SAMMSON: variants seen among roughly 807,000 people sequenced by gnomAD.
SAMMSON encodes long intergenic non-protein coding RNA 1212.
intron 7 of SAMMSON, among the ~76,000 whole-genome samples, chr3:70,336,461 C>T (rs764100437): frequency 5.9e-5 from 9 of 152,008 alleles, no homozygotes; most frequent in Non-Finnish European, 8.8e-5. Context: ...TTCCGTGTAA[C>T]ACAGAGTTCC....
At chr3:70,253,370 G>A (rs979267615) in intron 6 of SAMMSON, among the ~76,000 whole-genome samples, 5 of 152,150 alleles carry the variant, frequency 3.3e-5, no homozygotes, top group African/African-American at 9.7e-5. Context: ...TGTGCAAGGG[G>A]CTGAGTGGAT....
rs373340134 is a variant in SAMMSON at position 70,355,242 on chromosome 3, G to A, written n.842+965G>A. Among the ~76,000 whole-genome samples, 3 of 152,156 alleles carry A rather than the reference G, an allele frequency of 2.0e-5. No homozygotes were observed. The East Asian group carries it at 5.8e-4, about 29-fold the overall frequency. ...GCAACCAATCAGCAAACTCTACTAA[G>A]TTTCCAATCAATTTTCTCATCACAC... On this transcript the variant is annotated intron_variant and non_coding_transcript_variant, in intron 8 of 9. Transcript: ENST00000642114.
intron 4 of SAMMSON, among the ~76,000 whole-genome samples, chr3:70,176,178 T>C (rs1165127266): frequency 1.3e-5 from 2 of 152,130 alleles, no homozygotes; most frequent in African/African-American, 4.8e-5. Context: ...TTGGTGGCAT[T>C]GAGGACCAGG....
chr3:70,356,417 A>G (rs539819439), intron 8 of SAMMSON, among the ~76,000 whole-genome samples: 3 of 152,242 alleles, frequency 2.0e-5, no homozygotes, highest in Admixed American at 6.5e-5. Flanking sequence ...AGGTATACTA[A>G]CAAAAATATT....
At chr3:70,317,488 T>A (rs912316277) in intron 7 of SAMMSON, among the ~76,000 whole-genome samples, 2 of 151,940 alleles carry the variant, frequency 1.3e-5, no homozygotes, top group African/African-American at 4.8e-5. Context: ...ACAAACTGTT[T>A]TTTTGTCTAA....
chr3:70,261,981 G>C (rs1282353385), intron 6 of SAMMSON, among the ~76,000 whole-genome samples: 1 of 152,078 alleles, frequency 6.6e-6, no homozygotes, highest in East Asian at 1.9e-4. Context: ...ATACCAACCT[G>C]TCCTTCCTTA....
At chr3:70,064,644 G>T (rs1481028604) in intron 3 of SAMMSON, among the ~76,000 whole-genome samples, 1 of 152,088 alleles carries the variant, frequency 6.6e-6, no homozygotes, top group African/African-American at 2.4e-5. Context: ...TCTTATTTGG[G>T]TTTTGCCAGC....
intron 4 of SAMMSON, among the ~76,000 whole-genome samples, chr3:70,152,621 C>T (rs1021038651): frequency 6.6e-6 from 1 of 151,916 alleles, no homozygotes; most frequent in African/African-American, 2.4e-5. Flanking sequence ...ACTATTTTCC[C>T]CTTGAGATAT....
chr3:70,036,262 G>A (rs2067084703), intron 3 of SAMMSON, among the ~76,000 whole-genome samples: 1 of 152,110 alleles, frequency 6.6e-6, no homozygotes. Flanking sequence ...GTAGATTCTA[G>A]TATGGAAACA....
chr3:70,324,188 T>TATC (rs202201658), intron 7 of SAMMSON, among the ~76,000 whole-genome samples: 3 of 90,432 alleles, frequency 3.3e-5, no homozygotes, highest in Admixed American at 1.1e-4. Context: ...TCTATCTATC[T>TATC]ATCTATCTAT....
chr3:70,281,932 T>C (rs1702087427), intron 6 of SAMMSON, among the ~76,000 whole-genome samples: 1 of 152,190 alleles, frequency 6.6e-6, no homozygotes, highest in African/African-American at 2.4e-5. Flanking sequence ...TAATTTTTGA[T>C]TGTACAGTAA....
intron 4 of SAMMSON, among the ~76,000 whole-genome samples, chr3:70,155,097 A>G (rs2067586698): frequency 1.3e-5 from 2 of 151,908 alleles, no homozygotes; most frequent in African/African-American, 4.8e-5. Flanking sequence ...TGGCTTACAT[A>G]TATTAGCTTT....
At position 70,013,149 on chromosome 3, in the gene SAMMSON, G is replaced by GTGA. The variant is rs370433914; in HGVS notation, n.265-350_265-348dup. On this transcript the variant is annotated intron_variant and non_coding_transcript_variant, in intron 2 of 9. Transcript: ENST00000642114. ...GAACAGTTTCTGGCATATAGTAAATGTGATGATGATGATGATGATGATGGT... is the reference window on the plus strand; with the variant it reads ...GAACAGTTTCTGGCATATAGTAAATGTGATGATGATGATGATGATGATGATGGT... 6.9e-3 allele frequency among the ~76,000 whole-genome samples: 1,048 copies of GTGA among 151,988 alleles called. 16 individuals are homozygous for GTGA. The highest frequency in any genetic ancestry group is 0.023 in the African/African-American group (945 of 41,430).
At chr3:70,186,817 A>G (rs1701095661) in intron 4 of SAMMSON, among the ~76,000 whole-genome samples, 1 of 152,134 alleles carries the variant, frequency 6.6e-6, no homozygotes, top group South Asian at 2.1e-4. Context: ...TTTTATATTT[A>G]TTTGTCAGAG....
rs373184140 is a variant in SAMMSON at position 70,317,596 on chromosome 3, G to GTA, written n.739+26363_739+26364dup. Reference sequence around the variant, plus strand: ...ATCTTCAAAATATGTGTATCTGTATGTATATATATATGTATGTATATATGT... The same window carrying GTA: ...ATCTTCAAAATATGTGTATCTGTATGTATATATATATATGTATGTATATATGT... On this transcript the variant is annotated intron_variant and non_coding_transcript_variant, in intron 7 of 9. Transcript: ENST00000642114. 8.5e-3 allele frequency among the ~76,000 whole-genome samples: 1,282 copies of GTA among 150,612 alleles called. 14 individuals are homozygous for GTA. The highest frequency in any genetic ancestry group is 0.029 in the African/African-American group (1,204 of 41,174).
chr3:70,231,730 A>G (rs550782252), intron 4 of SAMMSON, among the ~76,000 whole-genome samples: 1 of 152,288 alleles, frequency 6.6e-6, no homozygotes, highest in African/African-American at 2.4e-5. Context: ...AAATGGGACA[A>G]GGAGAGAAGA....
At chr3:70,189,737 T>C (rs1701117538) in intron 4 of SAMMSON, among the ~76,000 whole-genome samples, 1 of 152,192 alleles carries the variant, frequency 6.6e-6, no homozygotes, top group South Asian at 2.1e-4. Context: ...TGATAAACTT[T>C]TAGGAATATA....
chr3:70,091,317 G>T (rs1227910203), intron 4 of SAMMSON, among the ~76,000 whole-genome samples: 1 of 152,114 alleles, frequency 6.6e-6, no homozygotes, highest in Non-Finnish European at 1.5e-5. Flanking sequence ...TAATGCATTT[G>T]TATTTCCCAG....
At chr3:70,209,649 CA>C (rs1701324164) in intron 4 of SAMMSON, among the ~76,000 whole-genome samples, 1 of 152,032 alleles carries the variant, frequency 6.6e-6, no homozygotes. Context: ...TGGTAGATTC[CA>C]AAAGCTTTGT....
Sources: allele counts gnomAD v4.1 joint callset (sites outside exome capture counted in the v4.1 genomes callset), GRCh38; gene constraint gnomAD v4.1.1; transcripts MANE v1.5; gene names NCBI Gene and HGNC (gene_info 2026-07-23, HGNC 2026-07-21).